EIF2S3B: variants seen among roughly 807,000 people sequenced by gnomAD.
EIF2S3B encodes the protein eukaryotic translation initiation factor 2 subunit 3B.
In EIF2S3B, 16 loss-of-function variants were observed where a neutral mutation model predicts 26.4. The observed-to-expected ratio is 0.61, with a 90% CI of 0.41 to 0.92. The LOEUF (loss-of-function observed/expected upper bound fraction) is 0.92, where lower values mean the gene tolerates loss of function less well. EIF2S3B is among the 40% of genes least tolerant of loss of function. EIF2S3B has a pLI of 0.00. For missense variants in EIF2S3B, 510 were observed against 575.5 expected, an observed-to-expected ratio of 0.89 and a Z score of 1.16; for synonymous variants, 183 against 204.4, an observed-to-expected ratio of 0.90 and a Z score of 0.89.
In EIF2S3B at chr12:10,516,595, C is replaced by A. The variant is rs1387561510; in HGVS notation, c.1309-6008C>A. ...ACTTCCTCTTTTCCTAATTGAATAC[C>A]CTTTATTTCCTTCTCCTGCCTAATT... On this transcript the variant is annotated intron_variant, in intron 1 of 1. Coordinates refer to the EIF2S3B transcript ENST00000322446. 6.6e-5 allele frequency among the ~76,000 whole-genome samples: 10 copies of A among 151,788 alleles called. No homozygotes were observed. The Admixed American group carries it at 6.6e-4, about 10-fold the overall frequency.
chr12:10,514,063 T>C (rs1180433938), intron 1 of EIF2S3B, among the ~76,000 whole-genome samples: 1 of 152,128 alleles, frequency 6.6e-6, no homozygotes, highest in Non-Finnish European at 1.5e-5. Flanking sequence ...TAGCTCTCCA[T>C]ACTTTCAATG....
chr12:10,516,299 T>C (rs1164124316), intron 1 of EIF2S3B, among the ~76,000 whole-genome samples: 2 of 152,194 alleles, frequency 1.3e-5, no homozygotes, highest in Admixed American at 6.6e-5. Context: ...GAAATATGTG[T>C]AGCTGATACT....
chr12:10,514,221 C>T (rs779562725), intron 1 of EIF2S3B, among the ~76,000 whole-genome samples: 4 of 149,078 alleles, frequency 2.7e-5, no homozygotes, highest in Non-Finnish European at 1.5e-5. Flanking sequence ...ATATTGGGTT[C>T]CCTCCTACTT....
chr12:10,513,837 A>G (rs999669502), intron 1 of EIF2S3B, among the ~76,000 whole-genome samples: 1 of 152,188 alleles, frequency 6.6e-6, no homozygotes, highest in African/African-American at 2.4e-5. Context: ...CAACATGGTG[A>G]AACCCCATCT....
chr12:10,506,304 C>G lies in EIF2S3B; in HGVS notation c.402C>G (p.Asp134Glu), dbSNP rs1591632468. 6.2e-7 allele frequency: 1 copy of G among 1,614,116 alleles called. No individual in the cohort carries two copies. Among genetic ancestry groups the G allele is most frequent in the South Asian group, 1.1e-5 (1 of 91,080 alleles). The change falls in exon 1 of 1, where the codon GAC becomes GAG. Residue 134 changes from aspartate (D) to glutamate (E), a missense_variant. By Grantham distance (45) the Asp-to-Glu change is conservative (BLOSUM62 2). Transcript: ENST00000538173. ...FRLVRHVSFV[D>E]CPGHDILMAT... Reference sequence around the variant, plus strand: ...TAGTCAGACATGTTTCCTTTGTTGACTGTCCTGGCCACGATATTTTGATGG... The same window carrying G: ...TAGTCAGACATGTTTCCTTTGTTGAGTGTCCTGGCCACGATATTTTGATGG...
chr12:10,511,752 T>C (rs910415053), downstream of EIF2S3B, among the ~76,000 whole-genome samples: 64 of 152,190 alleles, frequency 4.2e-4, no homozygotes, highest in African/African-American at 1.4e-3. Flanking sequence ...AATGGATTCA[T>C]TGAAAGCACA....
At chr12:10,519,028 C>G (rs56238801) in intron 1 of EIF2S3B, among the ~76,000 whole-genome samples, 4 of 149,174 alleles carry the variant, frequency 2.7e-5, no homozygotes, top group Admixed American at 2.0e-4. Context: ...CATATGGAAC[C>G]AAAAAAGAGC....
In EIF2S3B at chr12:10,506,988, A is replaced by C. The variant is rs1260613229; in HGVS notation, c.1086A>C (p.Gly362=). 6.2e-7 allele frequency: 1 copy of C among 1,613,678 alleles called. No homozygotes were observed. The highest frequency in any genetic ancestry group is 1.3e-5 in the African/African-American group (1 of 74,890). The change falls in exon 1 of 1, where the codon GGA becomes GGC. Residue 362 remains glycine, a synonymous_variant. Transcript: ENST00000538173. ...TGGGGCAAATACTTGGTGCAGTCGGAGCTTTACCTGAGATATTCACAGAAT... is the reference window on the plus strand; with the variant it reads ...TGGGGCAAATACTTGGTGCAGTCGGCGCTTTACCTGAGATATTCACAGAAT... The part of the protein sequence containing the change: ...RMVGQILGAV[G]ALPEIFTELE...
At position 10,507,030 on chromosome 12, in the gene EIF2S3B, C is replaced by A; in HGVS notation, c.1128C>A (p.Phe376Leu). Residue 376 changes from phenylalanine (F) to leucine (L), a missense_variant, in exon 1 of 1, where the codon TTC becomes TTA. Phe to Leu is a conservative substitution (Grantham distance 22). Coordinates refer to ENST00000538173, the MANE Select transcript of EIF2S3B (RefSeq NM_001357734.3). ...TCACAGAATTGGAAATTTCCTATTT[C>A]CTGCTTAGACGGCTTCTAGGTGTAC... ...EIFTELEISY[F>L]LLRRLLGVRT... The A allele has an allele frequency of 6.2e-7, 1 of 1,613,766 alleles. No individual in the cohort carries two copies. Among genetic ancestry groups the A allele is most frequent in the Non-Finnish European group, 8.5e-7 (1 of 1,179,698 alleles).
At position 10,507,488 on chromosome 12, in the gene EIF2S3B, C is replaced by T; in HGVS notation, c.*167C>T. On this transcript the variant is annotated 3_prime_UTR_variant, in exon 1 of 1. Coordinates refer to ENST00000538173, the MANE Select transcript of EIF2S3B (RefSeq NM_001357734.3). ...CTCTTTTTTTTTTTGGTTATGAAAA[C>T]TTAGGGACTACAATTAGTATAAAAA... The T allele has an allele frequency of 1.3e-6, 1 of 755,154 alleles. No homozygotes were observed. The highest frequency in any genetic ancestry group is 2.1e-6 in the Non-Finnish European group (1 of 473,268). 46.8% of individuals were successfully genotyped at this position (755,154 alleles called of 1,614,324 possible). A position where few individuals can be genotyped will look rare whatever the true frequency, so the allele number is the denominator to read the frequency against.
chr12:10,522,840 T>G, exon 2 of EIF2S3B: 1 of 523,332 alleles, frequency 1.9e-6, no homozygotes, highest in African/African-American at 1.9e-5. Context: ...GAAAATCTTA[T>G]TGCAACATGT....
Position 10,507,479 on chromosome 12 carries a change from T to A in EIF2S3B, c.*158T>A. On this transcript the variant is annotated 3_prime_UTR_variant, in exon 1 of 1. Transcript: ENST00000538173. ...GGTTATTCTCTCTTTTTTTTTTTGG[T>A]TATGAAAACTTAGGGACTACAATTA... The A allele has an allele frequency of 2.4e-6, 2 of 820,154 alleles. No individual in the cohort carries two copies. Among genetic ancestry groups the A allele is most frequent in the South Asian group, 3.7e-5 (2 of 54,764 alleles). The allele number at this position is 820,154 out of a possible 1,614,324, so 50.8% of individuals were successfully genotyped here. A position where few individuals can be genotyped will look rare whatever the true frequency, so the allele number is the denominator to read the frequency against.
At chr12:10,515,887 A>G (rs1864750239) in intron 1 of EIF2S3B, among the ~76,000 whole-genome samples, 1 of 151,094 alleles carries the variant, frequency 6.6e-6, no homozygotes, top group Admixed American at 6.6e-5. Flanking sequence ...TATACATACT[A>G]CATACATACT....
downstream of EIF2S3B, among the ~76,000 whole-genome samples, chr12:10,510,274 A>G (rs1864691558): frequency 6.6e-6 from 1 of 152,156 alleles, no homozygotes; most frequent in Admixed American, 6.5e-5. Context: ...ACCAGTACTA[A>G]AGGTACCTCC....
downstream of EIF2S3B, among the ~76,000 whole-genome samples, chr12:10,513,190 T>C (rs546803279): frequency 5.0e-4 from 76 of 152,394 alleles, no homozygotes; most frequent in Middle Eastern, 3.4e-3. Context: ...TTGTTTTTAA[T>C]GTTTTAACTT....
chr12:10,519,303 C>G (rs1233984693), intron 1 of EIF2S3B, among the ~76,000 whole-genome samples: 1 of 151,962 alleles, frequency 6.6e-6, no homozygotes, highest in Non-Finnish European at 1.5e-5. Context: ...ACTGGCTAGC[C>G]ATATGTAGCA....
intron 1 of EIF2S3B, among the ~76,000 whole-genome samples, chr12:10,518,511 G>T (rs541910626): frequency 6.6e-6 from 1 of 152,100 alleles, no homozygotes; most frequent in South Asian, 2.1e-4. Context: ...CGTGAGATGG[G>T]TTTCCTGAAT....
chr12:10,518,792 C>T (rs1003113443), intron 1 of EIF2S3B, among the ~76,000 whole-genome samples: 2 of 151,620 alleles, frequency 1.3e-5, no homozygotes, highest in African/African-American at 4.8e-5. Flanking sequence ...CCTAGGAATC[C>T]AACTTACAAG....
Position 10,506,497 on chromosome 12 carries a change from C to G in EIF2S3B, c.595C>G (p.Gln199Glu). ...QNKIDLVKER[Q>E]AKEQYEQILA... ...TAAAATTGATTTGGTAAAAGAAAGG[C>G]AGGCTAAAGAACAATACGAGCAGAT... The change falls in exon 1 of 1, where the codon CAG becomes GAG. Residue 199 changes from glutamine to glutamate, a missense_variant. Physicochemically the swap from Gln to Glu is conservative, Grantham distance 29. Coordinates refer to ENST00000538173, the MANE Select transcript of EIF2S3B (RefSeq NM_001357734.3). The G allele has an allele frequency of 6.2e-7, 1 of 1,604,038 alleles. No individual in the cohort carries two copies. The highest frequency in any genetic ancestry group is 2.2e-5 in the East Asian group (1 of 44,828).
Sources: gnomAD v4.1 joint callset for allele counts (sites outside exome capture counted in the v4.1 genomes callset) on GRCh38, gnomAD v4.1.1 for gene constraint, MANE v1.5 for transcripts, NCBI Gene and HGNC (gene_info 2026-07-23, HGNC 2026-07-21) for gene names.